The following ANO3 variants were observed in gnomAD, a reference collection of about 807,000 sequenced individuals.
ANO3 encodes the protein anoctamin 3, also known as anoctamin-3.
In ANO3, 99 loss-of-function variants were observed where a neutral mutation model predicts 144.8. The ratio of observed to expected loss-of-function variants is 0.68; its 90% CI spans 0.58 to 0.81. The LOEUF (loss-of-function observed/expected upper bound fraction) is 0.81, where lower values mean the gene tolerates loss of function less well. Ranked by LOEUF, ANO3 falls within the 30% of genes least tolerant of loss-of-function variation. ANO3 has a pLI of 0.00. For missense variants in ANO3, 905 were observed against 1,202.2 expected (o/e 0.75, Z 3.66); for synonymous variants, 414 against 392.6 (o/e 1.05, Z -0.64).
chr11:26,225,647 G>A (rs553076905), intron 1 of ANO3, among the ~76,000 whole-genome samples: 25 of 152,080 alleles, frequency 1.6e-4, no homozygotes, highest in African/African-American at 5.5e-4. Flanking sequence ...ATCATTTTTG[G>A]TAACATATAA....
At chr11:26,226,542 A>G (rs1852261002) in intron 1 of ANO3, among the ~76,000 whole-genome samples, 1 of 152,096 alleles carries the variant, frequency 6.6e-6, no homozygotes. Flanking sequence ...AGCCCGACTT[A>G]CTTGTACTTG....
intron 1 of ANO3, among the ~76,000 whole-genome samples, chr11:26,338,511 G>C (rs890648282): frequency 2.0e-5 from 3 of 152,242 alleles, no homozygotes; most frequent in African/African-American, 7.2e-5. Flanking sequence ...AACAAAAGCT[G>C]GCCACCCCAG....
chr11:26,544,664 C>T (rs1849742308), intron 11 of ANO3, among the ~76,000 whole-genome samples: 1 of 151,770 alleles, frequency 6.6e-6, no homozygotes, highest in South Asian at 2.1e-4. Flanking sequence ...TCATTCAAAG[C>T]TATATGCATA....
intron 1 of ANO3, among the ~76,000 whole-genome samples, chr11:26,349,125 A>G (rs1365441919): frequency 6.6e-6 from 1 of 152,212 alleles, no homozygotes; most frequent in Non-Finnish European, 1.5e-5. Context: ...AATATTATTT[A>G]CTGATTGACT....
At chr11:26,281,540 A>G (rs562304167) in intron 1 of ANO3, among the ~76,000 whole-genome samples, 24 of 152,306 alleles carry the variant, frequency 1.6e-4, no homozygotes, top group African/African-American at 5.5e-4. Context: ...GACTCTTCTC[A>G]TCTGAGTTAA....
intron 1 of ANO3, among the ~76,000 whole-genome samples, chr11:26,408,003 C>T (rs1857333015): frequency 6.6e-6 from 1 of 151,992 alleles, no homozygotes; most frequent in Non-Finnish European, 1.5e-5. Context: ...ACATGTTAGA[C>T]CTAAACCCAT....
intron 1 of ANO3, among the ~76,000 whole-genome samples, chr11:26,246,737 A>T (rs536846710): frequency 1.8e-4 from 27 of 152,114 alleles, no homozygotes; most frequent in Non-Finnish European, 3.1e-4. Context: ...TAATTGAGTC[A>T]TGGGGGTGGG....
intron 1 of ANO3, among the ~76,000 whole-genome samples, chr11:26,248,315 G>A (rs904864363): frequency 6.6e-6 from 1 of 151,960 alleles, no homozygotes; most frequent in Middle Eastern, 3.2e-3. Context: ...TCCAGCCTGG[G>A]CAACAGAGTG....
In ANO3 at chr11:26,435,792, A is replaced by G. The variant is rs1858274211; in HGVS notation, c.47-6126A>G. Among the ~76,000 whole-genome samples the G allele has an allele frequency of 2.6e-5, 4 of 151,888 alleles. No homozygotes were observed. In the South Asian group the frequency reaches 6.2e-4, roughly 24 times the overall value. On this transcript the variant is annotated intron_variant, in intron 1 of 26. Coordinates refer to ENST00000256737, the MANE Select transcript of ANO3 (RefSeq NM_031418.4). ...TCTTTCACCTGTTAACTTCTGTATC[A>G]TTTTATTATGATTCTTAGTTTCCTG...
At chr11:26,655,931 G>A (rs530905028) in intron 24 of ANO3, among the ~76,000 whole-genome samples, 194 bp from the exon 25 acceptor site, 86 of 151,934 alleles carry the variant, frequency 5.7e-4, no homozygotes, top group Non-Finnish European at 1.1e-3. Flanking sequence ...GGGAGAAAAC[G>A]GCAGGGCAGG....
chr11:26,295,926 T>A (rs1001737816), intron 1 of ANO3, among the ~76,000 whole-genome samples: 1 of 152,214 alleles, frequency 6.6e-6, no homozygotes, highest in Non-Finnish European at 1.5e-5. Flanking sequence ...TCTCTCTAGA[T>A]GTTTCTGTTT....
In ANO3 at chr11:26,634,256, C is replaced by T; in HGVS notation, c.1926C>T (p.Phe642=). The part of the protein sequence containing the change: ...EWENSFALKM[F]LFQFVNLNSS... ...AAAACAGCTTCGCCCTGAAGATGTT[C>T]CTCTTCCAGTTTGTCAATTTAAACA... Residue 642 remains phenylalanine (F), a synonymous_variant, in exon 19 of 27, where the codon TTC becomes TTT. Coordinates refer to ENST00000256737, the MANE Select transcript of ANO3 (RefSeq NM_031418.4). 1.9e-6 allele frequency: 3 copies of T among 1,613,908 alleles called. No individual in the cohort carries two copies. Among genetic ancestry groups the T allele is most frequent in the Non-Finnish European group, 2.5e-6 (3 of 1,179,914 alleles).
chr11:26,642,051 G>C, intron 22 of ANO3, 22 bp downstream of exon 22: 1 of 1,604,494 alleles, frequency 6.2e-7, no homozygotes, highest in South Asian at 1.1e-5. Flanking sequence ...AAATCTGCAG[G>C]ACTATTTGGC....
In ANO3 at chr11:26,529,172, TTATTAATA is replaced by T. The variant is rs1849254290; in HGVS notation, c.738-2032_738-2025del. On this transcript the variant is annotated intron_variant, in intron 7 of 26. Transcript: ENST00000256737. The stretch of plus-strand genomic sequence containing the variant: ...TAATATATATTATATATAATATATA[TTATTAATA>T]ATATATATTATATATAATTATATAA... 8.2e-4 allele frequency among the ~76,000 whole-genome samples: 2 copies of T among 2,450 alleles called. 1 individual carries two copies. The highest frequency in any genetic ancestry group is 1.4e-3 in the African/African-American group (2 of 1,394). 1.6% of individuals were successfully genotyped at this position (2,450 alleles called of 152,430 possible). A position where few individuals can be genotyped will look rare whatever the true frequency, so the allele number is the denominator to read the frequency against.
intron 4 of ANO3, among the ~76,000 whole-genome samples, chr11:26,463,571 G>A (rs1236048691): frequency 6.6e-6 from 1 of 151,760 alleles, no homozygotes; most frequent in East Asian, 1.9e-4. Context: ...ATATGCTTCT[G>A]GTTGTCTGCT....
rs1308670902 is a variant in ANO3 at position 26,463,086 on chromosome 11, T to G, written c.370T>G (p.Ser124Ala). The change falls in exon 4 of 27, where the codon TCT becomes GCT. Residue 124 changes from serine (S) to alanine (A), a missense_variant. Ser to Ala is a moderately conservative substitution (Grantham distance 99, BLOSUM62 1). Transcript: ENST00000256737. ...DESEHATYDR[S>A]RLINDFVIKD... The stretch of plus-strand genomic sequence containing the variant: ...ATCAGAACACGCTACTTATGACCGA[T>G]CTCGTCTCATTAATGACTTTGTTAT... The G allele has an allele frequency of 6.3e-7, 1 of 1,598,246 alleles. No individual in the cohort carries two copies. The highest frequency in any genetic ancestry group is 1.3e-5 in the African/African-American group (1 of 74,180).
chr11:26,218,645 G>C (rs1852081216), intron 1 of ANO3, among the ~76,000 whole-genome samples: 1 of 152,114 alleles, frequency 6.6e-6, no homozygotes, highest in African/African-American at 2.4e-5. Flanking sequence ...AATATGAAAG[G>C]ACAATATTTG....
In ANO3 at chr11:26,598,980, C is replaced by G. The variant is rs1450050296; in HGVS notation, c.1653C>G (p.Val551=). ...AAGTCACTCGTCTTCTTGTTTCTGT[C>G]TCAGGAATATTCTTCATGGTAAAGT... ...SDKVTRLLVS[V]SGIFFMISLV... The change falls in exon 16 of 27, where the codon GTC becomes GTG. Residue 551 remains valine (V), a synonymous_variant. Coordinates refer to ENST00000256737, the MANE Select transcript of ANO3 (RefSeq NM_031418.4). 1 of 1,613,902 alleles carries G rather than the reference C, an allele frequency of 6.2e-7. No individual in the cohort carries two copies. The highest frequency in any genetic ancestry group is 1.7e-5 in the Admixed American group (1 of 59,956).
At chr11:26,620,033 G>T (rs554403102) in intron 17 of ANO3, among the ~76,000 whole-genome samples, 1 of 151,864 alleles carries the variant, frequency 6.6e-6, no homozygotes, top group Non-Finnish European at 1.5e-5. Flanking sequence ...CCTTTATCAG[G>T]CATATAGCTA....
Sources: allele counts gnomAD v4.1 joint callset (sites outside exome capture counted in the v4.1 genomes callset), GRCh38; gene constraint gnomAD v4.1.1; transcripts MANE v1.5; gene names NCBI Gene and HGNC (gene_info 2026-07-23, HGNC 2026-07-21).